NBAS: variants seen among roughly 807,000 people sequenced by gnomAD.
NBAS encodes NBAS subunit of NRZ tethering complex.
Under a neutral mutation model 302.5 loss-of-function variants are expected in NBAS, and 219 were observed. That is an observed-to-expected ratio of 0.72 (90% confidence interval 0.65 to 0.81). NBAS has a LOEUF of 0.81. NBAS is among the 30% of genes least tolerant of loss of function. NBAS has a pLI of 0.00. For missense variants in NBAS, 2,932 were observed against 2,841.6 expected, an observed-to-expected ratio of 1.03 and a Z score of -0.72; for synonymous variants, 1,118 against 1,021.6, an observed-to-expected ratio of 1.09 and a Z score of -1.80.
At chr2:14,783,244 TG>T in the NBAS span, among the ~76,000 whole-genome samples, 1 of 151,992 alleles carries the variant, frequency 6.6e-6, no homozygotes, top group African/African-American at 2.4e-5. Context: ...TACTGGAAAA[TG>T]TGGTTGACCT....
chr2:15,243,661 T>TG (rs1481749180), intron 44 of NBAS, among the ~76,000 whole-genome samples: 3 of 152,232 alleles, frequency 2.0e-5, no homozygotes, highest in East Asian at 1.9e-4. Context: ...TGTGGTAACT[T>TG]GGGGGGCAGA....
chr2:15,020,290 T>A, the NBAS span, among the ~76,000 whole-genome samples: 2 of 152,276 alleles, frequency 1.3e-5, no homozygotes, highest in East Asian at 3.9e-4. Flanking sequence ...TGCATAGAAT[T>A]TTTGAGTGAG....
the NBAS span, among the ~76,000 whole-genome samples, chr2:14,954,655 G>A: frequency 6.6e-6 from 1 of 152,140 alleles, no homozygotes; most frequent in Non-Finnish European, 1.5e-5. Flanking sequence ...ATGGCAGAAG[G>A]GGAAGAAAAC....
the NBAS span, among the ~76,000 whole-genome samples, chr2:14,910,367 A>G: frequency 6.6e-6 from 1 of 152,208 alleles, no homozygotes; most frequent in Non-Finnish European, 1.5e-5. Context: ...GCTCTTGCAT[A>G]GAATAAGGAG....
Position 15,413,117 on chromosome 2 carries a change from C to CA in NBAS, c.2937+2428dup, listed in dbSNP as rs1437254540. Among the ~76,000 whole-genome samples, 4 of 152,370 alleles carry CA rather than the reference C, an allele frequency of 2.6e-5. No individual in the cohort carries two copies. The East Asian group carries it at 7.7e-4, about 29-fold the overall frequency. On this transcript the variant is annotated intron_variant, in intron 25 of 51. Coordinates refer to ENST00000281513, the MANE Select transcript of NBAS (RefSeq NM_015909.4). ...CTAACCCATTCCTTTATTCTCCACACATACTGGAAGCCACTTTGCTCTGTA... is the reference window on the plus strand; with the variant it reads ...CTAACCCATTCCTTTATTCTCCACACAATACTGGAAGCCACTTTGCTCTGTA...
chr2:15,000,102 T>A, the NBAS span, among the ~76,000 whole-genome samples: 48 of 152,204 alleles, frequency 3.2e-4, no homozygotes, highest in African/African-American at 1.1e-3. Flanking sequence ...TACTTAAAAA[T>A]GTTTTTAGTG....
intron 9 of NBAS, among the ~76,000 whole-genome samples, chr2:15,515,697 TCA>T (rs1292695559): frequency 6.6e-6 from 1 of 152,158 alleles, no homozygotes; most frequent in African/African-American, 2.4e-5. Context: ...TCCATCATCA[TCA>T]CAGTGTTCAG....
intron 51 of NBAS, chr2:15,178,249 ATGTG>A (rs1664647630): frequency 4.5e-6 from 2 of 448,800 alleles, no homozygotes; most frequent in African/African-American, 4.0e-5. Context: ...GTGTGCATGT[ATGTG>A]TATGTGTATA....
rs763241772 is a variant in NBAS at position 15,554,153 on chromosome 2, C to T, written c.210-15G>A. 21 of 1,606,542 alleles carry T rather than the reference C, an allele frequency of 1.3e-5. No individual in the cohort carries two copies. The highest frequency in any genetic ancestry group is 1.2e-4 in the Admixed American group (7 of 59,816). ...AAGGTGCCGGGCTGAAATCACAACA[C>T]ATTAGTTAGCTTAAAATCTAATCAT... On this transcript the variant is annotated splice_polypyrimidine_tract_variant and intron_variant, in intron 3 of 51. Transcript: ENST00000281513.
intron 21 of NBAS, among the ~76,000 whole-genome samples, chr2:15,440,290 C>T (rs907105888): frequency 7.2e-5 from 11 of 152,136 alleles, no homozygotes; most frequent in Admixed American, 2.0e-4. Context: ...TCACACGGCC[C>T]GGTACTCCGC....
chr2:15,499,527 C>T (rs912559085), intron 11 of NBAS, among the ~76,000 whole-genome samples: 1 of 152,136 alleles, frequency 6.6e-6, no homozygotes, highest in Non-Finnish European at 1.5e-5. Context: ...CAACCAAATA[C>T]CACATGTTCT....
At chr2:14,859,010 C>A in the NBAS span, among the ~76,000 whole-genome samples, 1 of 151,724 alleles carries the variant, frequency 6.6e-6, no homozygotes, top group African/African-American at 2.4e-5. Context: ...TTGCAAGATA[C>A]AAAATTTAGT....
intron 6 of NBAS, among the ~76,000 whole-genome samples, chr2:15,540,769 C>G (rs1331402954): frequency 6.6e-6 from 1 of 151,704 alleles, no homozygotes; most frequent in Non-Finnish European, 1.5e-5. Flanking sequence ...GTCACCCAGA[C>G]TGGAGTACAG....
chr2:14,865,881 G>C, the NBAS span, among the ~76,000 whole-genome samples: 1 of 152,010 alleles, frequency 6.6e-6, no homozygotes, highest in African/African-American at 2.4e-5. Context: ...TGACCAAATT[G>C]GTAGAAAACT....
chr2:15,166,928 A>G lies in NBAS; in HGVS notation c.*120T>C. 7.6e-7 allele frequency: 1 copy of G among 1,315,674 alleles called. No homozygotes were observed. The highest frequency in any genetic ancestry group is 1.0e-6 in the Non-Finnish European group (1 of 980,966). The allele number at this position is 1,315,674 out of a possible 1,614,324, so 81.5% of individuals were successfully genotyped here. On this transcript the variant is annotated 3_prime_UTR_variant, in exon 52 of 52. Transcript: ENST00000281513. ...GGCAGCTTGCTCATCGTTTCCATACAGTTTTATTTGCAATTTGTTGGAACC... is the reference window on the plus strand; with the variant it reads ...GGCAGCTTGCTCATCGTTTCCATACGGTTTTATTTGCAATTTGTTGGAACC...
chr2:15,199,976 C>T (rs1016910988), intron 48 of NBAS, among the ~76,000 whole-genome samples: 2 of 147,936 alleles, frequency 1.4e-5, no homozygotes, highest in Non-Finnish European at 3.0e-5. Context: ...AATCAGGGCT[C>T]ACTGTAGCCT....
rs1301778417 is a variant in NBAS at position 15,467,819 on chromosome 2, G to A, written c.1878-15C>T. 1 of 1,559,406 alleles carries A rather than the reference G, an allele frequency of 6.4e-7. No individual in the cohort carries two copies. On this transcript the variant is annotated splice_polypyrimidine_tract_variant and intron_variant, in intron 17 of 51. Coordinates refer to ENST00000281513, the MANE Select transcript of NBAS (RefSeq NM_015909.4). ...GTAATGTAAATCTGCAAGTATAAAAGAACAAATATATTTTCATCATTTTTA... is the reference window on the plus strand; with the variant it reads ...GTAATGTAAATCTGCAAGTATAAAAAAACAAATATATTTTCATCATTTTTA...
intron 32 of NBAS, among the ~76,000 whole-genome samples, chr2:15,361,277 C>G (rs1443353801): frequency 1.3e-5 from 2 of 152,112 alleles, no homozygotes; most frequent in African/African-American, 4.8e-5. Flanking sequence ...TTTTGGGAGG[C>G]CGAGGTGGGT....
intron 47 of NBAS, among the ~76,000 whole-genome samples, chr2:15,229,538 T>G (rs750094307): frequency 2.0e-5 from 3 of 151,702 alleles, no homozygotes; most frequent in Non-Finnish European, 2.9e-5. Context: ...TCCCAACACT[T>G]TGGGAGGCCG....
Sources: allele counts gnomAD v4.1 joint callset (sites outside exome capture counted in the v4.1 genomes callset), GRCh38; gene constraint gnomAD v4.1.1; transcripts MANE v1.5; gene names NCBI Gene and HGNC (gene_info 2026-07-23, HGNC 2026-07-21).